SLC38A7: variants seen among roughly 807,000 people sequenced by gnomAD.
The protein encoded by SLC38A7 is sodium-coupled neutral amino acid transporter 7.
In SLC38A7, 29 loss-of-function variants were observed where a neutral mutation model predicts 50.1. The observed-to-expected ratio is 0.58, with a 90% CI of 0.43 to 0.79. The LOEUF is 0.79. Among genes scored for constraint, SLC38A7 ranks in the 30% least tolerant of loss-of-function variants. SLC38A7 has a pLI of 0.00. For synonymous variants in SLC38A7, 244 were observed against 245.9 expected (o/e 0.99, Z 0.07); for missense variants, 483 against 610.6 (o/e 0.79, Z 2.20).
At position 58,680,079 on chromosome 16, in the gene SLC38A7, G is replaced by A. The variant is rs42943; in HGVS notation, c.48C>T (p.Ser16=). The part of the protein sequence containing the change: ...INNDYSEWDL[S]TDAGERARLL... ...GCCGAGCCCGCTCCCCGGCATCCGT[G>A]CTCAAGTCCCACTCGCTGTAGTCAT... Residue 16 remains serine (S), a synonymous_variant, in exon 3 of 12, where the codon AGC becomes AGT. Coordinates refer to ENST00000219320, the MANE Select transcript of SLC38A7 (RefSeq NM_018231.3). The A allele has an allele frequency of 4.2e-3, 6,592 of 1,565,278 alleles. 17 individuals carry two copies. Among genetic ancestry groups the A allele is most frequent in the Non-Finnish European group, 5.0e-3 (5,810 of 1,155,004 alleles).
intron 11 of SLC38A7, 28 bp downstream of exon 11, chr16:58,670,085 G>A: frequency 6.2e-7 from 1 of 1,612,586 alleles, no homozygotes; most frequent in Non-Finnish European, 8.5e-7. Flanking sequence ...ACCTCCCTGA[G>A]AGGATCAAGG....
rs1482671967 is a variant in SLC38A7, at chr16:58,667,500, G to A, written c.1287-13C>T. ...CAGCACCCACCAGCTGTAGAACAGA[G>A]GGTGAGAGAGGTCTGATCAGTCATC... On this transcript the variant is annotated splice_polypyrimidine_tract_variant and intron_variant, in intron 11 of 11. Transcript: ENST00000219320. 6.3e-7 allele frequency: 1 copy of A among 1,587,426 alleles called. No homozygotes were observed. The highest frequency in any genetic ancestry group is 2.2e-5 in the East Asian group (1 of 44,526).
At position 58,672,117 on chromosome 16, in the gene SLC38A7, G is replaced by A. The variant is rs1443646992; in HGVS notation, c.1010C>T (p.Pro337Leu). 6.4e-7 allele frequency: 1 copy of A among 1,559,074 alleles called. No individual in the cohort carries two copies. The highest frequency in any genetic ancestry group is 8.7e-7 in the Non-Finnish European group (1 of 1,151,626). Residue 337 changes from proline (P) to leucine (L), a missense_variant, in exon 9 of 12, where the codon CCT becomes CTT. Coordinates refer to ENST00000219320, the MANE Select transcript of SLC38A7 (RefSeq NM_018231.3). ...TCACCGCCCACAGAAGTGCAGGATA[G>A]GGTAGGAGGTGAGCACGCTCAGGAT... is the stretch of plus-strand genomic sequence containing the variant. ...FIILSVLTSY[P>L]ILHFCGRAVV...
intron 2 of SLC38A7, among the ~76,000 whole-genome samples, chr16:58,682,727 G>A (rs2044416852): frequency 6.6e-6 from 1 of 152,050 alleles, no homozygotes; most frequent in Non-Finnish European, 1.5e-5. Flanking sequence ...TGCCTCCCGG[G>A]TTCAAGAGAC....
At chr16:58,671,330 G>T in intron 9 of SLC38A7, 86 bp from the exon 10 acceptor site, 1 of 1,363,616 alleles carries the variant, frequency 7.3e-7, no homozygotes, top group Non-Finnish European at 1.0e-6. Flanking sequence ...CCCTAACTGG[G>T]TAGACTGCGG....
chr16:58,682,868 G>A (rs2044420698), intron 2 of SLC38A7, among the ~76,000 whole-genome samples: 1 of 152,066 alleles, frequency 6.6e-6, no homozygotes, highest in African/African-American at 2.4e-5. Context: ...CTGACCTTGT[G>A]ATCCCCCTTG....
intron 2 of SLC38A7, 134 bp downstream of exon 2, chr16:58,683,819 TGA>T (rs1491335539): frequency 6.6e-6 from 1 of 152,382 alleles, no homozygotes; most frequent in Non-Finnish European, 1.5e-5. Context: ...GCCACCCACA[TGA>T]GAGTGCAGGC....
At chr16:58,676,221 T>G (rs1264735047) in intron 7 of SLC38A7, 68 bp downstream of exon 7, 2 of 1,607,476 alleles carry the variant, frequency 1.2e-6, no homozygotes, top group Non-Finnish European at 1.7e-6. Context: ...TCCTCCTCCT[T>G]GCTGGGTTCC....
intron 11 of SLC38A7, 56 bp from the exon 12 acceptor site, chr16:58,667,543 A>T (rs2044065041): frequency 7.7e-7 from 1 of 1,300,250 alleles, no homozygotes; most frequent in Non-Finnish European, 1.1e-6. Flanking sequence ...ATGACTGCAG[A>T]CTTCAATATA....
Position 58,677,367 on chromosome 16 carries a change from G to T in SLC38A7, c.669C>A (p.Ile223=). Residue 223 remains isoleucine, a synonymous_variant, in exon 6 of 12, where the codon ATC becomes ATA. Transcript: ENST00000219320. ...CTGGGGTCATCTCTTTATCTGGCCA[G>T]ATGTACTTGATGATAACGATGGCTG... ...YVTAIVIIKY[I]WPDKEMTPGN... 1.2e-6 allele frequency: 2 copies of T among 1,614,068 alleles called. No homozygotes were observed. Among genetic ancestry groups the T allele is most frequent in the Non-Finnish European group, 1.7e-6 (2 of 1,179,988 alleles).
At chr16:58,682,682 AG>A (rs1428790351) in intron 2 of SLC38A7, among the ~76,000 whole-genome samples, 2 of 151,524 alleles carry the variant, frequency 1.3e-5, no homozygotes, top group Non-Finnish European at 2.9e-5. Flanking sequence ...CCCAGGCTGG[AG>A]TGCAATGGCA....
At chr16:58,677,858 T>C (rs550195064) in intron 5 of SLC38A7, among the ~76,000 whole-genome samples, 1 of 152,092 alleles carries the variant, frequency 6.6e-6, no homozygotes, top group African/African-American at 2.4e-5. Context: ...TATGGGAGCC[T>C]TGGAGAGAGC....
intron 8 of SLC38A7, among the ~76,000 whole-genome samples, chr16:58,674,177 G>A (rs186553696): frequency 3.3e-5 from 5 of 152,046 alleles, no homozygotes; most frequent in Non-Finnish European, 5.9e-5. Flanking sequence ...CTATGTTGCC[G>A]AGGCTGGTCT....
chr16:58,669,874 C>T (rs1483173831), intron 11 of SLC38A7, among the ~76,000 whole-genome samples: 1 of 148,932 alleles, frequency 6.7e-6, no homozygotes, highest in Non-Finnish European at 1.5e-5. Context: ...ACTCGGGAGG[C>T]TGAGGCACGA....
In SLC38A7 at chr16:58,679,837, C is replaced by T. The variant is rs1465335133; in HGVS notation, c.270+20G>A. ...CGCCCAACTGAACTGCACCTCTGCC[C>T]TCCCGGCCAGTGCACTCACCATCTG... is the stretch of plus-strand genomic sequence containing the variant. On this transcript the variant is annotated intron_variant, in intron 3 of 11. Coordinates refer to ENST00000219320, the MANE Select transcript of SLC38A7 (RefSeq NM_018231.3). 1 of 1,612,726 alleles carries T rather than the reference C, an allele frequency of 6.2e-7. No individual in the cohort carries two copies. Among genetic ancestry groups the T allele is most frequent in the Admixed American group, 1.7e-5 (1 of 59,992 alleles).
intron 6 of SLC38A7, 115 bp from the exon 7 acceptor site, chr16:58,676,461 G>C: frequency 9.4e-7 from 1 of 1,061,302 alleles, no homozygotes; most frequent in Non-Finnish European, 1.4e-6. Flanking sequence ...GGATTCCATA[G>C]CTTCAACCCA....
chr16:58,676,959 C>T (rs576564674), intron 6 of SLC38A7, among the ~76,000 whole-genome samples: 31 of 146,604 alleles, frequency 2.1e-4, no homozygotes, highest in Non-Finnish European at 2.9e-5. Flanking sequence ...TGGCCCCCCC[C>T]CTTTTTTTTT....
intron 3 of SLC38A7, among the ~76,000 whole-genome samples, chr16:58,679,167 G>A (rs2152082577): frequency 6.6e-6 from 1 of 152,344 alleles, no homozygotes; most frequent in South Asian, 2.1e-4. Flanking sequence ...TGAGGCAGGA[G>A]GATCACTTGA....
At chr16:58,677,298 C>T (rs778581490) in intron 6 of SLC38A7, 28 bp downstream of exon 6, 13 of 1,602,186 alleles carry the variant, frequency 8.1e-6, no homozygotes, top group Middle Eastern at 1.6e-4. Context: ...GGCTTCTTCC[C>T]CATGTCTCCT....
Sources: gnomAD v4.1 joint callset for allele counts (sites outside exome capture counted in the v4.1 genomes callset) on GRCh38, gnomAD v4.1.1 for gene constraint, MANE v1.5 for transcripts, NCBI Gene and HGNC (gene_info 2026-07-23, HGNC 2026-07-21) for gene names.